PDE10A: variants seen among roughly 807,000 people sequenced by gnomAD.
The protein encoded by PDE10A is phosphodiesterase 10A, also known as cAMP and cAMP-inhibited cGMP 3',5'-cyclic phosphodiesterase 10A.
A neutral mutation model predicts 97.7 loss-of-function variants in PDE10A; 39 were observed. The ratio of observed to expected loss-of-function variants is 0.40; its 90% CI spans 0.31 to 0.52. PDE10A has a LOEUF of 0.52. Among genes scored for constraint, PDE10A ranks in the 20% least tolerant of loss-of-function variants. PDE10A has a pLI of 0.56. For missense variants in PDE10A, 731 were observed against 1,047.8 expected, an observed-to-expected ratio of 0.70 and a Z score of 4.17; for synonymous variants, 371 against 376.8, an observed-to-expected ratio of 0.98 and a Z score of 0.18.
chr6:165,707,751 CTGAG>C (rs1394545845), intron 1 of PDE10A, among the ~76,000 whole-genome samples: 12 of 151,770 alleles, frequency 7.9e-5, no homozygotes, highest in South Asian at 6.3e-4. Flanking sequence ...GTGTGGGAGA[CTGAG>C]TGTGTGAAAG....
upstream of PDE10A, among the ~76,000 whole-genome samples, chr6:165,667,640 CTTTT>C (rs781734434): frequency 7.8e-6 from 1 of 129,028 alleles, no homozygotes; most frequent in East Asian, 2.2e-4. Flanking sequence ...ATGTGTGTTT[CTTTT>C]TTTTTTTTTT....
chr6:165,388,132 C>A lies in PDE10A; in HGVS notation c.2610+166G>T, dbSNP rs969016543. 1.3e-5 allele frequency among the ~76,000 whole-genome samples: 2 copies of A among 152,006 alleles called. No homozygotes were observed. The highest frequency in any genetic ancestry group is 2.9e-5 in the Non-Finnish European group (2 of 67,986). On this transcript the variant is annotated intron_variant, in intron 17 of 21. Transcript: ENST00000539869. This position sits in a 1 kb window ranked among gnomAD's most constrained non-coding sequence, Gnocchi z 4.0. ...AATTATTTGTAAAGGATTCTTTATG[C>A]AAAAAACACTATTATTTAATGATGA...
At position 165,662,381 on chromosome 6, in the gene PDE10A, C is replaced by T. The variant is rs1790323073; in HGVS notation, c.431G>A (p.Gly144Glu). 1.3e-5 allele frequency: 2 copies of T among 158,160 alleles called. No homozygotes were observed. The highest frequency in any genetic ancestry group is 2.7e-5 in the Non-Finnish European group (2 of 74,394). The allele number at this position is 158,160 out of a possible 1,614,324, so 9.8% of individuals were successfully genotyped here. Residue 144 changes from glycine to glutamate, a missense_variant, in exon 1 of 22, where the codon GGA (glycine) becomes GAA (glutamate). Coordinates refer to ENST00000539869, the MANE Select transcript of PDE10A (RefSeq NM_001385079.1). ...CGCCGCCGCCGCTGCGCCCTCCCTT[C>T]CTGGGAGACGCACGGGGAGGTGAAA... ...SAFHLPVRLP[G>E]REGAAAAAAA...
At chr6:165,385,220 G>A (rs1034381039) in intron 17 of PDE10A, among the ~76,000 whole-genome samples, 1 of 151,954 alleles carries the variant, frequency 6.6e-6, no homozygotes, top group African/African-American at 2.4e-5. Flanking sequence ...CTAAAGAAGG[G>A]AAAAATGATG....
intron 1 of PDE10A, among the ~76,000 whole-genome samples, chr6:165,681,841 T>C (rs1790986310): frequency 2.0e-5 from 3 of 152,140 alleles, no homozygotes; most frequent in Non-Finnish European, 4.4e-5. Context: ...AGTGAGAAGC[T>C]CAGAGAGGCT....
chr6:165,711,419 C>A lies in PDE10A; in HGVS notation c.-614-167851G>T, dbSNP rs1791892738. ...ATGCTTGATTCAGAGCCACGGAGAC[C>A]AGAAATTCATGTTAGCTAGAACACC... is the stretch of plus-strand genomic sequence containing the variant. On this transcript the variant is annotated intron_variant, in intron 1 of 19. Transcript: ENST00000366882. This position sits in a 1 kb window ranked among gnomAD's most constrained non-coding sequence, Gnocchi z 4.5. Among the ~76,000 whole-genome samples the A allele has an allele frequency of 6.6e-6, 1 of 152,100 alleles. No homozygotes were observed. The highest frequency in any genetic ancestry group is 6.6e-5 in the Admixed American group (1 of 15,266).
intron 18 of PDE10A, among the ~76,000 whole-genome samples, chr6:165,364,771 C>T (rs1311135104): frequency 6.6e-6 from 1 of 152,052 alleles, no homozygotes; most frequent in Non-Finnish European, 1.5e-5. Flanking sequence ...CTTTTTACAA[C>T]AATCCAAAGA....
At chr6:165,368,591 T>C (rs2128198570) in intron 18 of PDE10A, among the ~76,000 whole-genome samples, 1 of 151,972 alleles carries the variant, frequency 6.6e-6, no homozygotes, top group Middle Eastern at 3.4e-3. Flanking sequence ...GAAATATCAC[T>C]CCCCCAACAC....
intron 1 of PDE10A, among the ~76,000 whole-genome samples, chr6:165,852,693 G>A (rs1780604208): frequency 6.6e-6 from 1 of 152,198 alleles, no homozygotes; most frequent in Non-Finnish European, 1.5e-5. Flanking sequence ...GACGGCCTTG[G>A]TGGCATTACT....
intron 5 of PDE10A, among the ~76,000 whole-genome samples, chr6:165,447,991 C>T (rs987431291): frequency 6.6e-6 from 1 of 151,988 alleles, no homozygotes; most frequent in Non-Finnish European, 1.5e-5. Context: ...CTTTGCAAAA[C>T]TGTTATATTT....
rs2128170600 is a variant in PDE10A, at chr6:165,329,961, A to G, written c.*3064T>C. 6.6e-6 allele frequency: 1 copy of G among 152,324 alleles called. No individual in the cohort carries two copies. The highest frequency in any genetic ancestry group is 2.4e-5 in the African/African-American group (1 of 41,570). 9.4% of individuals were successfully genotyped at this position (152,324 alleles called of 1,614,324 possible). ...GGGCTATTTTTTAGAATTAGTTTCC[A>G]CATCCATTGTATTTCTTTTGACCCT... On this transcript the variant is annotated 3_prime_UTR_variant, in exon 22 of 22. Transcript: ENST00000539869.
At chr6:165,443,729 G>C (rs1790642565) in intron 5 of PDE10A, among the ~76,000 whole-genome samples, 1 of 152,120 alleles carries the variant, frequency 6.6e-6, no homozygotes, top group Admixed American at 6.5e-5. Flanking sequence ...CTGAAATCTG[G>C]GTGGAGGCTC....
chr6:165,719,549 C>T (rs938815564), intron 1 of PDE10A, among the ~76,000 whole-genome samples: 1 of 152,132 alleles, frequency 6.6e-6, no homozygotes, highest in South Asian at 2.1e-4. Context: ...AAAGGGAAAG[C>T]ATGAGATACT....
intron 1 of PDE10A, among the ~76,000 whole-genome samples, chr6:165,727,002 C>T (rs1464897406): frequency 6.6e-6 from 1 of 152,196 alleles, no homozygotes; most frequent in Non-Finnish European, 1.5e-5. Flanking sequence ...TGTCCACCCT[C>T]CTCGCGTGGG....
At chr6:165,619,201 A>AGTGT (rs1562634111) in intron 1 of PDE10A, among the ~76,000 whole-genome samples, 1 of 137,842 alleles carries the variant, frequency 7.3e-6, no homozygotes, top group African/African-American at 3.2e-5. Flanking sequence ...AGTGTAGTGT[A>AGTGT]ATGTAGTGCA....
intron 21 of PDE10A, among the ~76,000 whole-genome samples, chr6:165,335,594 T>C (rs1018296716): frequency 2.7e-4 from 41 of 152,118 alleles, no homozygotes; most frequent in African/African-American, 9.4e-4. Flanking sequence ...TAAGGCAGCC[T>C]GGCCAAGGGC....
At chr6:165,710,904 G>A (rs1450886842) in intron 1 of PDE10A, among the ~76,000 whole-genome samples, 1 of 152,208 alleles carries the variant, frequency 6.6e-6, no homozygotes, top group Non-Finnish European at 1.5e-5. Flanking sequence ...CTAATCATAG[G>A]CAATTTTCTC....
At position 165,418,665 on chromosome 6, in the gene PDE10A, T is replaced by C. The variant is rs372011806; in HGVS notation, c.1766A>G (p.Lys589Arg). The C allele has an allele frequency of 3.1e-6, 5 of 1,613,494 alleles. No homozygotes were observed. The East Asian group carries it at 1.1e-4, about 36-fold the overall frequency. The stretch of plus-strand genomic sequence containing the variant: ...CTCTTTGGTCTTCTTGAAGACAGGT[T>C]TTCCTTCCTTTTCCTCTCCAATATC... ...LFDIGEEKEG[K>R]PVFKKTKEIR... The change falls in exon 11 of 22, where the codon AAA becomes AGA. Residue 589 changes from lysine to arginine, a missense_variant. By Grantham distance (26) the Lys-to-Arg change is conservative. This residue lies in a region of PDE10A where 108 missense variants were observed against 199.8 expected (regional missense o/e 0.54). Coordinates refer to ENST00000539869, the MANE Select transcript of PDE10A (RefSeq NM_001385079.1). The surrounding 1 kb of genome is among the most constrained non-coding windows in gnomAD (Gnocchi z 4.8).
At chr6:165,713,874 T>A (rs1041121115) in intron 1 of PDE10A, among the ~76,000 whole-genome samples, 1 of 152,240 alleles carries the variant, frequency 6.6e-6, no homozygotes, top group African/African-American at 2.4e-5. Flanking sequence ...GTCCTATGTA[T>A]AGCAATTAGA....
Sources: gnomAD v4.1 joint callset for allele counts (sites outside exome capture counted in the v4.1 genomes callset) on GRCh38, gnomAD v4.1.1 for gene constraint, gnomAD v4.1.1 regional missense constraint, Gnocchi (gnomAD v3.1) non-coding constraint, MANE v1.5 for transcripts, NCBI Gene and HGNC (gene_info 2026-07-23, HGNC 2026-07-21) for gene names.